The following NOS1AP variants were observed in gnomAD, a reference collection of about 807,000 sequenced individuals.
The protein encoded by NOS1AP is nitric oxide synthase 1 adaptor protein.
A neutral mutation model predicts 56.2 loss-of-function variants in NOS1AP; 21 were observed. That is an observed-to-expected ratio of 0.37 (90% CI 0.26 to 0.54). The LOEUF (loss-of-function observed/expected upper bound fraction) is 0.54. Among genes scored for constraint, NOS1AP ranks in the 20% least tolerant of loss-of-function variants. The pLI is 0.84. For missense variants in NOS1AP, 522 were observed against 657.8 expected, an observed-to-expected ratio of 0.79 and a Z score of 2.26; for synonymous variants, 270 against 274.6, an observed-to-expected ratio of 0.98 and a Z score of 0.17.
chr1:162,134,875 C>G (rs1648924182), intron 1 of NOS1AP, among the ~76,000 whole-genome samples: 1 of 152,182 alleles, frequency 6.6e-6, no homozygotes, highest in Non-Finnish European at 1.5e-5. Flanking sequence ...GCCTTCATGA[C>G]CTGACCCTGC....
rs950807588 is a variant in NOS1AP at position 162,327,450 on chromosome 1, G to T, written c.345-5567G>T. Reference sequence around the variant, plus strand: ...AAAATATTGCAGTTTTTAGAAAGGGGGCAAACCTGCATCAGGAATTACCAA... The same window carrying T: ...AAAATATTGCAGTTTTTAGAAAGGGTGCAAACCTGCATCAGGAATTACCAA... On this transcript the variant is annotated intron_variant, in intron 4 of 9. Coordinates refer to ENST00000361897, the MANE Select transcript of NOS1AP (RefSeq NM_014697.3). 3.3e-5 allele frequency among the ~76,000 whole-genome samples: 5 copies of T among 152,184 alleles called. No homozygotes were observed. In the South Asian group the frequency reaches 8.3e-4, roughly 25 times the overall value.
chr1:162,090,509 T>C (rs1024760931), intron 1 of NOS1AP, among the ~76,000 whole-genome samples: 6 of 152,124 alleles, frequency 3.9e-5, no homozygotes, highest in African/African-American at 1.4e-4. Context: ...AGACTACTGT[T>C]TTTAGAATTA....
At chr1:162,353,371 G>A (rs576211179) in intron 6 of NOS1AP, among the ~76,000 whole-genome samples, 4 of 151,930 alleles carry the variant, frequency 2.6e-5, no homozygotes, top group Admixed American at 6.5e-5. Flanking sequence ...CTGCCCCCGC[G>A]CCCGGCCAAA....
intron 1 of NOS1AP, among the ~76,000 whole-genome samples, chr1:162,147,969 A>G (rs1411973962): frequency 6.6e-6 from 1 of 152,178 alleles, no homozygotes; most frequent in Non-Finnish European, 1.5e-5. Context: ...GTCTTACAGA[A>G]GGCTAGGTGA....
At chr1:162,218,968 C>T (rs999737150) in intron 2 of NOS1AP, among the ~76,000 whole-genome samples, 6 of 151,960 alleles carry the variant, frequency 3.9e-5, no homozygotes, top group African/African-American at 1.5e-4. Flanking sequence ...GTTTTTGAAC[C>T]ATCTTAGGGC....
intron 2 of NOS1AP, among the ~76,000 whole-genome samples, chr1:162,278,664 CGTGTGTGTGTGTGTGTGTGT>C (rs57058985): frequency 8.4e-5 from 12 of 143,108 alleles, no homozygotes; most frequent in Non-Finnish European, 1.1e-4. Context: ...ACTCCTTCTA[CGTGTGTGTGTGTGTGTGTGT>C]GTGTGTGTGT....
intron 4 of NOS1AP, among the ~76,000 whole-genome samples, chr1:162,322,625 A>G (rs769806176): frequency 7.9e-5 from 12 of 152,194 alleles, no homozygotes; most frequent in Non-Finnish European, 8.8e-5. Flanking sequence ...ATTTGAAGAA[A>G]CATGGATGGA....
At chr1:162,180,062 A>G (rs529376302) in intron 2 of NOS1AP, among the ~76,000 whole-genome samples, 1 of 152,224 alleles carries the variant, frequency 6.6e-6, no homozygotes, top group East Asian at 1.9e-4. Context: ...GGTGTTCATT[A>G]TCTGGATTTC....
At chr1:162,359,696 A>G (rs888620483) in intron 8 of NOS1AP, among the ~76,000 whole-genome samples, 1 of 150,872 alleles carries the variant, frequency 6.6e-6, no homozygotes, top group South Asian at 2.1e-4. Flanking sequence ...TAGACCAAGT[A>G]TAGCAAGCTT....
intron 1 of NOS1AP, among the ~76,000 whole-genome samples, chr1:162,084,053 G>A (rs1211059366): frequency 1.3e-5 from 2 of 152,196 alleles, no homozygotes; most frequent in Non-Finnish European, 2.9e-5. Flanking sequence ...TGTCTTTGCT[G>A]AGACTTTTGA....
chr1:162,177,230 C>G (rs776331541), intron 2 of NOS1AP, among the ~76,000 whole-genome samples: 1 of 152,152 alleles, frequency 6.6e-6, no homozygotes, highest in Non-Finnish European at 1.5e-5. Flanking sequence ...GGAGTCAGGG[C>G]TTAGCTGAGC....
At chr1:162,361,369 T>C (rs1557893447) in intron 8 of NOS1AP, among the ~76,000 whole-genome samples, 1 of 152,226 alleles carries the variant, frequency 6.6e-6, no homozygotes, top group East Asian at 1.9e-4. Context: ...TGTAGCAGAC[T>C]GCCCAAACCA....
chr1:162,253,005 G>A (rs1386319138), intron 2 of NOS1AP, among the ~76,000 whole-genome samples: 1 of 152,084 alleles, frequency 6.6e-6, no homozygotes, highest in African/African-American at 2.4e-5. Flanking sequence ...TCTCTGCTAT[G>A]GTTTGAATGT....
Position 162,070,145 on chromosome 1 carries a change from G to GCCT in NOS1AP, c.-30_-28dup. ...TCGCCAGCCCCTTCCTGCAGCCGCC[G>GCCT]CCTCCGAAGGAGCGGGTCCGCCGCG... On this transcript the variant is annotated 5_prime_UTR_variant, in exon 1 of 10. Transcript: ENST00000361897. 6.4e-7 allele frequency: 1 copy of GCCT among 1,574,354 alleles called. No homozygotes were observed.
intron 2 of NOS1AP, among the ~76,000 whole-genome samples, chr1:162,161,870 C>T (rs1000086289): frequency 8.5e-5 from 13 of 152,298 alleles, no homozygotes; most frequent in Non-Finnish European, 1.8e-4. Flanking sequence ...CTGCCAAGCA[C>T]GCATAAGCAC....
At chr1:162,278,497 G>T (rs916873147) in intron 2 of NOS1AP, among the ~76,000 whole-genome samples, 1 of 152,100 alleles carries the variant, frequency 6.6e-6, no homozygotes, top group Non-Finnish European at 1.5e-5. Context: ...GTGCTGGGAG[G>T]TTTATTAAAC....
rs995346462 is a variant in NOS1AP, at chr1:162,315,769, T to C, written c.344+15063T>C. Among the ~76,000 whole-genome samples the C allele has an allele frequency of 3.3e-5, 5 of 152,228 alleles. 1 individual carries two copies. The highest frequency in any genetic ancestry group is 4.4e-5 in the Non-Finnish European group (3 of 68,038). ...AACATTTCTGCCTGTCAAATTCTTA[T>C]TAATCTTTCAACGTTTATTGTAAAT... On this transcript the variant is annotated intron_variant, in intron 4 of 9. Transcript: ENST00000361897.
intron 4 of NOS1AP, 125 bp downstream of exon 4, chr1:162,300,831 G>C: frequency 1.3e-6 from 1 of 772,942 alleles, no homozygotes; most frequent in Non-Finnish European, 2.3e-6. Context: ...TCCCTCCTGA[G>C]ACCTGTTGCT....
intron 2 of NOS1AP, among the ~76,000 whole-genome samples, chr1:162,246,300 C>T (rs986527157): frequency 3.3e-5 from 5 of 151,992 alleles, no homozygotes; most frequent in African/African-American, 1.2e-4. Flanking sequence ...TCTTATAGTC[C>T]AGTGAAGAGA....
Sources: gnomAD v4.1 joint callset for allele counts (sites outside exome capture counted in the v4.1 genomes callset) on GRCh38, gnomAD v4.1.1 for gene constraint, MANE v1.5 for transcripts, NCBI Gene and HGNC (gene_info 2026-07-23, HGNC 2026-07-21) for gene names.